The following DNAJC3 variants were observed in gnomAD, a reference collection of about 807,000 sequenced individuals.
DNAJC3 encodes dnaJ homolog subfamily C member 3.
Under a neutral mutation model 68.6 loss-of-function variants are expected in DNAJC3, and 38 were observed. The ratio of observed to expected loss-of-function variants is 0.55; its 90% confidence interval spans 0.43 to 0.73. The LOEUF (loss-of-function observed/expected upper bound fraction) is 0.73. DNAJC3 is among the 30% of genes least tolerant of loss of function. The pLI is 0.00. For synonymous variants in DNAJC3, 203 were observed against 204.0 expected (o/e 1.00, Z 0.04); for missense variants, 526 against 591.9 (o/e 0.89, Z 1.16).
At chr13:95,677,423 G>C (rs1225721397) in intron 1 of DNAJC3, 86 bp downstream of exon 1, 12 of 1,389,642 alleles carry the variant, frequency 8.6e-6, no homozygotes, top group African/African-American at 1.5e-5. Flanking sequence ...CGCCTGTCCC[G>C]GAGCGGCTCG....
intron 4 of DNAJC3, among the ~76,000 whole-genome samples, chr13:95,741,679 G>T (rs1882149717): frequency 6.6e-6 from 1 of 152,142 alleles, no homozygotes; most frequent in South Asian, 2.1e-4. Context: ...GATCCCAGCT[G>T]GTCTGAGGTG....
chr13:95,748,419 T>C (rs1340486793), intron 4 of DNAJC3, among the ~76,000 whole-genome samples: 2 of 152,364 alleles, frequency 1.3e-5, no homozygotes, highest in East Asian at 3.8e-4. Context: ...AACATAATTA[T>C]ATCTATTATA....
At chr13:95,690,897 G>T in intron 1 of DNAJC3, among the ~76,000 whole-genome samples, 1 of 126,000 alleles carries the variant, frequency 7.9e-6, no homozygotes, top group East Asian at 2.5e-4. Context: ...TCCCAGACGG[G>T]GCGGCTGGCC....
intron 1 of DNAJC3, among the ~76,000 whole-genome samples, chr13:95,704,849 G>GTTTTTTTTTT (rs1292968162): frequency 8.7e-5 from 9 of 102,870 alleles, no homozygotes; most frequent in African/African-American, 6.6e-4. Context: ...CTGTGTGTGT[G>GTTTTTTTTTT]TGTTTTTTTT....
chr13:95,770,003 A>C (rs1883115852), intron 9 of DNAJC3, among the ~76,000 whole-genome samples: 1 of 152,250 alleles, frequency 6.6e-6, no homozygotes, highest in Non-Finnish European at 1.5e-5. Flanking sequence ...AAGTGTTGGA[A>C]GTAAAAAGTG....
At chr13:95,750,015 A>G (rs1177425559) in intron 4 of DNAJC3, among the ~76,000 whole-genome samples, 1 of 152,036 alleles carries the variant, frequency 6.6e-6, no homozygotes, top group Non-Finnish European at 1.5e-5. Flanking sequence ...TAGTGTTTTA[A>G]AGATAGCACT....
At chr13:95,713,718 T>C (rs565747937) in intron 2 of DNAJC3, among the ~76,000 whole-genome samples, 145 of 152,256 alleles carry the variant, frequency 9.5e-4, no homozygotes, top group Non-Finnish European at 1.3e-3. Flanking sequence ...CAGCTCTCTT[T>C]GGTCTGTGAG....
chr13:95,686,524 G>T (rs930144589), intron 1 of DNAJC3, among the ~76,000 whole-genome samples: 17 of 152,158 alleles, frequency 1.1e-4, no homozygotes, highest in African/African-American at 3.9e-4. Flanking sequence ...TGTCCAAAAT[G>T]TTTAATCTAT....
chr13:95,714,356 G>T (rs1243329784), intron 2 of DNAJC3, among the ~76,000 whole-genome samples: 1 of 150,380 alleles, frequency 6.6e-6, no homozygotes, highest in Non-Finnish European at 1.5e-5. Flanking sequence ...CCACACTCCA[G>T]CCTGGGCAAT....
At chr13:95,688,927 GGTGTGTGTGTGTGTGTGT>G (rs57546561) in intron 1 of DNAJC3, among the ~76,000 whole-genome samples, 1 of 129,668 alleles carries the variant, frequency 7.7e-6, no homozygotes, top group Non-Finnish European at 1.6e-5. Context: ...TGATTGTGTG[GGTGTGTGTGTGTGTGTGT>G]GTGTGTGTGT....
chr13:95,744,569 A>T (rs1468415080), intron 4 of DNAJC3, among the ~76,000 whole-genome samples: 1 of 152,212 alleles, frequency 6.6e-6, no homozygotes, highest in Non-Finnish European at 1.5e-5. Context: ...TCATTGTAGG[A>T]CTTAAAATTC....
At chr13:95,752,130 G>A (rs1341277270) in intron 4 of DNAJC3, among the ~76,000 whole-genome samples, 2 of 152,148 alleles carry the variant, frequency 1.3e-5, no homozygotes, top group Non-Finnish European at 2.9e-5. Flanking sequence ...AACTATTTGA[G>A]CTCATCCTCT....
chr13:95,737,358 C>T (rs1246989569), intron 4 of DNAJC3, among the ~76,000 whole-genome samples: 1 of 152,102 alleles, frequency 6.6e-6, no homozygotes, highest in African/African-American at 2.4e-5. Context: ...GGAGAATTCC[C>T]TCTTTTTCTA....
At chr13:95,725,365 T>G in intron 4 of DNAJC3, 113 bp downstream of exon 4, 1 of 666,944 alleles carries the variant, frequency 1.5e-6, no homozygotes, top group Non-Finnish European at 2.3e-6. Context: ...TCAATAGTCT[T>G]AGACAGTAAA....
chr13:95,787,244 G>C, intron 11 of DNAJC3, 89 bp downstream of exon 11: 1 of 1,497,936 alleles, frequency 6.7e-7, no homozygotes, highest in Non-Finnish European at 9.0e-7. Flanking sequence ...ACGTGGGGCT[G>C]TATAGGCAGT....
intron 1 of DNAJC3, among the ~76,000 whole-genome samples, chr13:95,685,064 GAGAA>G (rs1880034894): frequency 6.6e-6 from 1 of 152,256 alleles, no homozygotes; most frequent in Admixed American, 6.5e-5. Flanking sequence ...GTGGAGCTGT[GAGAA>G]AGACCACCAT....
rs1883798767 is a variant in DNAJC3 at position 95,792,235 on chromosome 13, A to G, written c.*1205A>G. Reference sequence around the variant, plus strand: ...TATGTTCTTCTTACCTTTTAAGAAGATACTATTTAAGAAGTGAACTATTCA... The same window carrying G: ...TATGTTCTTCTTACCTTTTAAGAAGGTACTATTTAAGAAGTGAACTATTCA... On this transcript the variant is annotated 3_prime_UTR_variant, in exon 12 of 12. Transcript: ENST00000602402. 1 of 152,230 alleles carries G rather than the reference A, an allele frequency of 6.6e-6. No individual in the cohort carries two copies. Among genetic ancestry groups the G allele is most frequent in the African/African-American group, 2.4e-5 (1 of 41,450 alleles). The allele number at this position is 152,230 out of a possible 1,614,324, so 9.4% of individuals were successfully genotyped here. A position where few individuals can be genotyped will look rare whatever the true frequency, so the allele number is the denominator to read the frequency against.
intron 1 of DNAJC3, among the ~76,000 whole-genome samples, chr13:95,699,090 G>A (rs1208339526): frequency 1.3e-5 from 2 of 152,162 alleles, no homozygotes; most frequent in Non-Finnish European, 2.9e-5. Context: ...GCCTCTTATG[G>A]GGAAAGAAGG....
At chr13:95,709,083 G>A (rs549634633) in intron 1 of DNAJC3, 144 bp from the exon 2 acceptor site, 7 of 499,160 alleles carry the variant, frequency 1.4e-5, no homozygotes, top group East Asian at 7.6e-5. Context: ...TTTATGTTAC[G>A]TTCTTTACAT....
Sources: allele counts gnomAD v4.1 joint callset (sites outside exome capture counted in the v4.1 genomes callset), GRCh38; gene constraint gnomAD v4.1.1; transcripts MANE v1.5; gene names NCBI Gene and HGNC (gene_info 2026-07-23, HGNC 2026-07-21).